The following NAIP variants were observed in gnomAD, a reference collection of about 807,000 sequenced individuals.
NAIP encodes the protein NLR family apoptosis inhibitory protein.
Under a neutral mutation model 23.0 loss-of-function variants are expected in NAIP, and 15 were observed. The observed-to-expected ratio is 0.65, with a 90% CI of 0.44 to 1.00. The LOEUF is 1.00. Among genes scored for constraint, NAIP ranks in the 50% least tolerant of loss-of-function variants. NAIP has a pLI of 0.00. For missense variants in NAIP, 265 were observed against 278.8 expected (o/e 0.95, Z 0.35); for synonymous variants, 100 against 100.2 (o/e 1.00, Z 0.01).
At chr5:71,014,653 A>T (rs1751350255) in intron 3 of NAIP, among the ~76,000 whole-genome samples, 1 of 151,670 alleles carries the variant, frequency 6.6e-6, no homozygotes, top group Non-Finnish European at 1.5e-5. Context: ...CTGTAATCCC[A>T]GCACTTTGGG....
At chr5:71,009,374 A>G (rs533360491) in intron 5 of NAIP, among the ~76,000 whole-genome samples, 5 of 149,492 alleles carry the variant, frequency 3.3e-5, no homozygotes, top group Admixed American at 6.7e-5. Context: ...AAAAAAAAAA[A>G]AAAAGAAAAG....
At chr5:71,013,637 CT>C (rs1381100772) in intron 3 of NAIP, among the ~76,000 whole-genome samples, 1 of 60,994 alleles carries the variant, frequency 1.6e-5, no homozygotes, top group South Asian at 5.6e-4. Flanking sequence ...AAGACTCCGT[CT>C]TAAAAAAAAA....
intron 5 of NAIP, among the ~76,000 whole-genome samples, chr5:71,010,743 C>T (rs1207844074): frequency 6.6e-6 from 1 of 151,366 alleles, no homozygotes; most frequent in Non-Finnish European, 1.5e-5. Flanking sequence ...CTGGGCAAAA[C>T]CTATCTTAGA....
intron 9 of NAIP, among the ~76,000 whole-genome samples, chr5:70,996,792 CAAAA>C (rs1222506915): frequency 2.0e-4 from 13 of 64,530 alleles, no homozygotes; most frequent in Non-Finnish European, 3.5e-4. Flanking sequence ...GACTCCATCT[CAAAA>C]AAAAAAAAAA....
intron 13 of NAIP, among the ~76,000 whole-genome samples, chr5:70,977,656 C>G (rs1389801154): frequency 2.8e-4 from 23 of 82,708 alleles, no homozygotes; most frequent in African/African-American, 1.0e-3. Flanking sequence ...CAGAGCAAGA[C>G]TGCATCTCCA....
At position 70,979,584 on chromosome 5, in the gene NAIP, A is replaced by AAATAATAAT. The variant is rs781336414; in HGVS notation, c.3442+276_3442+284dup. ...CGGGAGACTGTCTCAAAAAAAAAAA[A>AAATAATAAT]AATAATAATAATAATAATAATAATA... On this transcript the variant is annotated intron_variant, in intron 13 of 16. Transcript: ENST00000517649. Among the ~76,000 whole-genome samples the AAATAATAAT allele has an allele frequency of 1.2e-4, 5 of 42,824 alleles. 2 individuals are homozygous for AAATAATAAT. Among genetic ancestry groups the AAATAATAAT allele is most frequent in the Non-Finnish European group, 1.7e-4 (4 of 22,996 alleles). 28.1% of individuals were successfully genotyped at this position (42,824 alleles called of 152,430 possible).
intron 4 of NAIP, 135 bp from the exon 5 acceptor site, chr5:71,011,509 C>G (rs1751158129): frequency 1.4e-6 from 1 of 737,510 alleles, no homozygotes; most frequent in Non-Finnish European, 2.2e-6. Context: ...GCCTGAGTCT[C>G]CATCCTCAAT....
rs370514410 is a variant in NAIP, at chr5:71,012,812, G to A, written c.104C>T (p.Ala35Val). Residue 35 changes from alanine to valine, a missense_variant, in exon 4 of 17, where the codon GCA becomes GTA. Physicochemically the swap from Ala to Val is moderately conservative, Grantham distance 64. Around this residue, in one of 2 missense-constraint regions of NAIP, gnomAD observed 261 missense variants for 259.2 expected, o/e 1.01. Transcript: ENST00000517649. ...ALLGLDAVQLAKELEEEEQKE... is the reference protein window; with the variant it reads ...ALLGLDAVQLVKELEEEEQKE... Reference sequence around the variant, plus strand: ...CTGCTCCTCTTCTTCTAGTTCCTTTGCCAACTGAACTGCATCTAGGCCCAG... The same window carrying A: ...CTGCTCCTCTTCTTCTAGTTCCTTTACCAACTGAACTGCATCTAGGCCCAG... 2.7e-5 allele frequency: 43 copies of A among 1,611,726 alleles called. No individual in the cohort carries two copies. In the African/African-American group the frequency reaches 5.1e-4, roughly 19 times the overall value.
Position 71,012,661 on chromosome 5 carries a change from C to T in NAIP, c.255G>A (p.Gly85=), listed in dbSNP as rs769516553. The T allele has an allele frequency of 6.2e-7, 1 of 1,611,954 alleles. No individual in the cohort carries two copies. The highest frequency in any genetic ancestry group is 2.2e-5 in the East Asian group (1 of 44,858). Reference sequence around the variant, plus strand: ...CAGATTTTACCCCAGTGAAGTAAAACCCAGCGGCCGCCATCTCCTGTGGTA... The same window carrying T: ...CAGATTTTACCCCAGTGAAGTAAAATCCAGCGGCCGCCATCTCCTGTGGTA... ...SWIPQEMAAA[G]FYFTGVKSGI... is the part of the protein sequence containing the mutation. Residue 85 remains glycine, a synonymous_variant, in exon 4 of 17, where the codon GGG becomes GGA. Coordinates refer to ENST00000517649, the MANE Select transcript of NAIP (RefSeq NM_004536.3).
intron 8 of NAIP, among the ~76,000 whole-genome samples, chr5:71,000,746 GT>G: frequency 2.1e-5 from 1 of 46,664 alleles, no homozygotes; most frequent in Non-Finnish European, 3.4e-5. Context: ...TAGAGACAGA[GT>G]TTCACCATAT....
chr5:71,012,321 A>G (rs1439786127), intron 4 of NAIP, 27 bp downstream of exon 4: 2 of 1,542,154 alleles, frequency 1.3e-6, no homozygotes, highest in East Asian at 4.5e-5. Context: ...CGCCAGAGAA[A>G]CACTTCAGAG....
chr5:71,012,576 T>C lies in NAIP; in HGVS notation c.340A>G (p.Ile114Val). Reference protein sequence around the residue: ...LFGAGLTRLPIEDHKRFHPDC... With the variant: ...LFGAGLTRLPVEDHKRFHPDC... ...GGATGAAACCTCTTGTGGTCTTCTATGGGGAGTCTCGTGAGGCCGGCACCA... is the reference window on the plus strand; with the variant it reads ...GGATGAAACCTCTTGTGGTCTTCTACGGGGAGTCTCGTGAGGCCGGCACCA... Residue 114 changes from isoleucine (I) to valine (V), a missense_variant, in exon 4 of 17, where the codon ATA becomes GTA. Transcript: ENST00000517649. 3 of 1,611,854 alleles carry C rather than the reference T, an allele frequency of 1.9e-6. No individual in the cohort carries two copies. The highest frequency in any genetic ancestry group is 2.5e-6 in the Non-Finnish European group (3 of 1,178,484).
Position 71,024,961 on chromosome 5 carries a change from C to A in NAIP, c.-565G>T, listed in dbSNP as rs1751563951. On this transcript the variant is annotated 5_prime_UTR_variant, in exon 1 of 17. Transcript: ENST00000517649. The stretch of plus-strand genomic sequence containing the variant: ...AAGTTGTCTAAAGGATCCCAGCCAC[C>A]AGTTAGCTCACTGTCATACACTCTT... 1 of 29,066 alleles carries A rather than the reference C, an allele frequency of 3.4e-5. No homozygotes were observed. The highest frequency in any genetic ancestry group is 6.8e-5 in the Non-Finnish European group (1 of 14,744). The allele number at this position is 29,066 out of a possible 1,614,324, so 1.8% of individuals were successfully genotyped here. A position where few individuals can be genotyped will look rare whatever the true frequency, so the allele number is the denominator to read the frequency against.
rs1194251429 is a variant in NAIP, at chr5:71,012,910, G to A, written c.6C>T (p.Ala2=). Residue 2 remains alanine, a synonymous_variant, in exon 4 of 17, where the codon GCC becomes GCT. Transcript: ENST00000517649. M[A]TQQKASDERI... ...TCTCGTCAGAGGCTTTCTGCTGGGT[G>A]GCCATTTTCTGAAAAGGAAAATAAA... The A allele has an allele frequency of 6.3e-7, 1 of 1,575,798 alleles. No individual in the cohort carries two copies. The highest frequency in any genetic ancestry group is 2.3e-5 in the East Asian group (1 of 44,434).
At position 71,009,865 on chromosome 5, in the gene NAIP, CAAAG is replaced by C. The variant is rs1379543868; in HGVS notation, c.668+1406_668+1409del. On this transcript the variant is annotated intron_variant, in intron 5 of 16. Transcript: ENST00000517649. ...GGAATGAATCTGTACTTGGTAGAAA[CAAAG>C]AAAGTCATGTAGAAAATACTAGTAA... Among the ~76,000 whole-genome samples, 6 of 151,252 alleles carry C rather than the reference CAAAG, an allele frequency of 4.0e-5. No individual in the cohort carries two copies. In the South Asian group the frequency reaches 6.3e-4, roughly 16 times the overall value.
Position 71,012,778 on chromosome 5 carries a change from T to G in NAIP, c.138A>C (p.Arg46=). 6.2e-7 allele frequency: 1 copy of G among 1,612,018 alleles called. No homozygotes were observed. The highest frequency in any genetic ancestry group is 8.5e-7 in the Non-Finnish European group (1 of 1,178,526). ...AGTTGTAGCCTTTCTGCATTTTTGC[T>G]CGCTCCTTCTGCTCCTCTTCTTCTA... ...KELEEEEQKE[R]AKMQKGYNSQ... Residue 46 remains arginine (R), a synonymous_variant, in exon 4 of 17, where the codon CGA becomes CGC. Coordinates refer to ENST00000517649, the MANE Select transcript of NAIP (RefSeq NM_004536.3).
chr5:71,010,810 A>G (rs533082453), intron 5 of NAIP, among the ~76,000 whole-genome samples: 1 of 151,606 alleles, frequency 6.6e-6, no homozygotes, highest in African/African-American at 2.4e-5. Flanking sequence ...CAAACTTTTC[A>G]CAATGTAATT....
In NAIP at chr5:70,977,621, C is replaced by T. The variant is rs1392912250; in HGVS notation, c.3443-563G>A. 1.1e-4 allele frequency among the ~76,000 whole-genome samples: 12 copies of T among 108,548 alleles called. No individual in the cohort carries two copies. In the East Asian group the frequency reaches 2.2e-3, roughly 20 times the overall value. 71.2% of individuals were successfully genotyped at this position (108,548 alleles called of 152,430 possible). ...CAGAGGTTGCAGTGAGTGGATATTG[C>T]GCCACCAAACTCCAGCCTGGGCAAC... On this transcript the variant is annotated intron_variant, in intron 13 of 16. Coordinates refer to ENST00000517649, the MANE Select transcript of NAIP (RefSeq NM_004536.3).
Position 71,012,569 on chromosome 5 carries a change from T to C in NAIP, c.347A>G (p.Asp116Gly). 2 of 1,611,816 alleles carry C rather than the reference T, an allele frequency of 1.2e-6. No homozygotes were observed. Among genetic ancestry groups the C allele is most frequent in the East Asian group, 4.5e-5 (2 of 44,844 alleles). Residue 116 changes from aspartate to glycine, a missense_variant, in exon 4 of 17, where the codon GAC becomes GGC. Coordinates refer to ENST00000517649, the MANE Select transcript of NAIP (RefSeq NM_004536.3). ...GAGLTRLPIE[D>G]HKRFHPDCGF... Reference sequence around the variant, plus strand: ...ACAATCTGGATGAAACCTCTTGTGGTCTTCTATGGGGAGTCTCGTGAGGCC... The same window carrying C: ...ACAATCTGGATGAAACCTCTTGTGGCCTTCTATGGGGAGTCTCGTGAGGCC...
Sources: allele counts gnomAD v4.1 joint callset (sites outside exome capture counted in the v4.1 genomes callset), GRCh38; gene constraint gnomAD v4.1.1; regional missense constraint gnomAD v4.1.1; transcripts MANE v1.5; gene names NCBI Gene and HGNC (gene_info 2026-07-23, HGNC 2026-07-21).